ABCA4: variants seen among roughly 807,000 people sequenced by gnomAD.
The protein encoded by ABCA4 is retinal-specific phospholipid-transporting ATPase ABCA4.
In ABCA4, 196 loss-of-function variants were observed where a neutral mutation model predicts 263.7. The ratio of observed to expected loss-of-function variants is 0.74; its 90% CI spans 0.66 to 0.84. The LOEUF is 0.84. Ranked by LOEUF, ABCA4 falls within the 40% of genes least tolerant of loss-of-function variation. The probability of loss-of-function intolerance (pLI) is 0.00; values close to 1 mark genes in which losing one functional copy is unlikely to be tolerated. For synonymous variants in ABCA4, 1,133 were observed against 1,094.2 expected (o/e 1.04, Z -0.70); for missense variants, 2,792 against 2,855.1 (o/e 0.98, Z 0.50).
chr1:94,084,656 A>G (rs550142), intron 6 of ABCA4, among the ~76,000 whole-genome samples: 36,422 of 152,128 alleles, frequency 0.24, 4,971 homozygotes, highest in Non-Finnish European at 0.32. Flanking sequence ...GGGAGTTACA[A>G]AGCAGATGGG....
intron 6 of ABCA4, among the ~76,000 whole-genome samples, chr1:94,091,311 C>T (rs1050849162): frequency 2.0e-5 from 3 of 152,104 alleles, no homozygotes; most frequent in African/African-American, 7.2e-5. Context: ...GTCCGGTCCT[C>T]ACACCTTACA....
intron 11 of ABCA4, among the ~76,000 whole-genome samples, chr1:94,074,705 A>T (rs1158653774): frequency 1.3e-5 from 2 of 152,258 alleles, no homozygotes; most frequent in East Asian, 3.8e-4. Flanking sequence ...CTGTTGAGAA[A>T]TAGGAAGGCT....
chr1:94,014,386 GA>G, intron 38 of ABCA4, among the ~76,000 whole-genome samples, 156 bp downstream of exon 38: 1 of 147,362 alleles, frequency 6.8e-6, no homozygotes. Context: ...AGGAAGGAAG[GA>G]AGGAAAGGAG....
At chr1:94,051,514 C>G in intron 17 of ABCA4, 119 bp downstream of exon 17, 3 of 909,542 alleles carry the variant, frequency 3.3e-6, no homozygotes, top group Non-Finnish European at 5.4e-6. Flanking sequence ...CAGGAGGCAG[C>G]TGACTCATCA....
At chr1:94,074,896 G>T (rs1024867120) in intron 11 of ABCA4, among the ~76,000 whole-genome samples, 1 of 152,120 alleles carries the variant, frequency 6.6e-6, no homozygotes, top group Non-Finnish European at 1.5e-5. Context: ...CAATTGCAAA[G>T]ACATGGAACC....
chr1:94,010,121 A>G (rs1213108078), intron 40 of ABCA4, among the ~76,000 whole-genome samples: 1 of 152,184 alleles, frequency 6.6e-6, no homozygotes, highest in Non-Finnish European at 1.5e-5. Context: ...GAAACAAAAC[A>G]CTATTGGGGA....
intron 5 of ABCA4, among the ~76,000 whole-genome samples, chr1:94,100,326 C>A (rs550320338): frequency 6.6e-6 from 1 of 152,310 alleles, no homozygotes; most frequent in African/African-American, 2.4e-5. Flanking sequence ...GGCGCCCTTC[C>A]AAGTGTTCAC....
At chr1:94,056,843 G>T (rs373286833) in intron 14 of ABCA4, 21 bp from the exon 15 acceptor site, 3 of 1,567,722 alleles carry the variant, frequency 1.9e-6, no homozygotes, top group Admixed American at 3.7e-5. Context: ...GAGGCCATGC[G>T]TCAGTAACTC....
chr1:94,068,984 C>T (rs776102771), intron 11 of ABCA4, among the ~76,000 whole-genome samples: 1 of 152,232 alleles, frequency 6.6e-6, no homozygotes, highest in African/African-American at 2.4e-5. Flanking sequence ...ACTGCTGTGG[C>T]TGAGCCCAAG....
rs200606737 is a variant in ABCA4, at chr1:94,112,932, A to G, written c.160+41T>C. ...TTTCTAGACAAAAGGCCCAGACCAA[A>G]GTCTCTTCAGGGCTTGCCCAAGCTA... On this transcript the variant is annotated intron_variant, in intron 2 of 49. Coordinates refer to ENST00000370225, the MANE Select transcript of ABCA4 (RefSeq NM_000350.3). The G allele has an allele frequency of 2.5e-4, 376 of 1,523,838 alleles. 3 individuals carry two copies. The African/African-American group carries it at 4.6e-3, about 19-fold the overall frequency. The allele number at this position is 1,523,838 out of a possible 1,614,324, so 94.4% of individuals were successfully genotyped here.
chr1:94,007,686 G>C lies in ABCA4; in HGVS notation c.5953C>G (p.Leu1985Val). The change falls in exon 43 of 50, where the codon CTC becomes GTC. Residue 1985 changes from leucine (L) to valine (V), a missense_variant. Coordinates refer to ENST00000370225, the MANE Select transcript of ABCA4 (RefSeq NM_000350.3). ...GAGGTCACTGTGGTGTCCCCAGTGA[G>C]CATCTTGAATGTGGTTGTTTTGCCG... ...GAGKTTTFKM[L>V]TGDTTVTSGD... The C allele has an allele frequency of 6.2e-7, 1 of 1,614,114 alleles. No homozygotes were observed.
rs898716935 is a variant in ABCA4 at position 94,055,419 on chromosome 1, C to G, written c.2383-104G>C. On this transcript the variant is annotated intron_variant, in intron 15 of 49. Coordinates refer to ENST00000370225, the MANE Select transcript of ABCA4 (RefSeq NM_000350.3). ...AGAGGGGAGGGCCAAAAGAGGGTCC[C>G]CATTGTCTCTCAGTGTAAGGTCAGC... The G allele has an allele frequency of 3.5e-6, 4 of 1,138,588 alleles. No individual in the cohort carries two copies. The African/African-American group carries it at 4.6e-5, about 13-fold the overall frequency. 70.5% of individuals were successfully genotyped at this position (1,138,588 alleles called of 1,614,324 possible). A position where few individuals can be genotyped will look rare whatever the true frequency, so the allele number is the denominator to read the frequency against.
intron 38 of ABCA4, among the ~76,000 whole-genome samples, chr1:94,013,086 C>A (rs1184909716): frequency 6.6e-6 from 1 of 152,270 alleles, no homozygotes; most frequent in East Asian, 1.9e-4. Flanking sequence ...TTGCTTTAAG[C>A]TGGCTATTTA....
intron 22 of ABCA4, among the ~76,000 whole-genome samples, chr1:94,042,098 CAAAAAAAAAAAAA>C (rs11334956): frequency 2.5e-5 from 2 of 81,232 alleles, no homozygotes; most frequent in South Asian, 4.5e-4. Flanking sequence ...GATTCTGTCT[CAAAAAAAAAAAAA>C]AAAAAAAAAG....
intron 47 of ABCA4, among the ~76,000 whole-genome samples, chr1:93,999,850 T>C (rs1468126837): frequency 6.6e-6 from 1 of 152,228 alleles, no homozygotes; most frequent in Non-Finnish European, 1.5e-5. Flanking sequence ...TCTCCAGCAG[T>C]TGGACACAGG....
At chr1:94,061,057 G>A (rs998280738) in intron 13 of ABCA4, among the ~76,000 whole-genome samples, 6 of 152,150 alleles carry the variant, frequency 3.9e-5, no homozygotes, top group African/African-American at 1.4e-4. Flanking sequence ...TCCCTGTAAG[G>A]CCTTGCAAGG....
Position 94,078,595 on chromosome 1 carries a change from T to G in ABCA4, c.1351A>C (p.Ile451Leu), listed in dbSNP as rs1661600929. ...FFDNSTQMNM[I>L]RDTLGNPTVK... is the part of the protein sequence containing the mutation. ...CATCCTCCAACCCCCCTTACTCTGA[T>G]CATGTTCATCTGTGTGCTGTTGTCA... The change falls in exon 10 of 50, where the codon ATC becomes CTC. Residue 451 changes from isoleucine (I) to leucine (L), a missense_variant. Physicochemically the swap from Ile to Leu is conservative, Grantham distance 5 (BLOSUM62 2). Coordinates refer to ENST00000370225, the MANE Select transcript of ABCA4 (RefSeq NM_000350.3). The G allele has an allele frequency of 3.4e-6, 4 of 1,183,126 alleles. No individual in the cohort carries two copies. The East Asian group carries it at 1.8e-4, about 53-fold the overall frequency. 73.3% of individuals were successfully genotyped at this position (1,183,126 alleles called of 1,614,324 possible). A position where few individuals can be genotyped will look rare whatever the true frequency, so the allele number is the denominator to read the frequency against.
At chr1:94,001,337 G>A (rs2100994488) in intron 45 of ABCA4, among the ~76,000 whole-genome samples, 1 of 152,352 alleles carries the variant, frequency 6.6e-6, no homozygotes, top group South Asian at 2.1e-4. Context: ...CCCACGAGGG[G>A]ATTAAAGTGG....
Position 94,030,481 on chromosome 1 carries a change from G to T in ABCA4, c.4299C>A (p.Val1433=). The change falls in exon 29 of 50, where the codon GTC becomes GTA. Residue 1433 remains valine, a synonymous_variant. Transcript: ENST00000370225. The part of the protein sequence containing the change: ...GSEQFTVLAD[V]LLNKPGFGNR... ...TGCCAAAGCCTGGCTTATTCAGGAGGACGTCTGCAAGTACCGTGAACTGCT... is the reference window on the plus strand; with the variant it reads ...TGCCAAAGCCTGGCTTATTCAGGAGTACGTCTGCAAGTACCGTGAACTGCT... 6.2e-7 allele frequency: 1 copy of T among 1,614,242 alleles called. No individual in the cohort carries two copies. The highest frequency in any genetic ancestry group is 8.5e-7 in the Non-Finnish European group (1 of 1,180,048).
Sources: gnomAD v4.1 joint callset for allele counts (sites outside exome capture counted in the v4.1 genomes callset) on GRCh38, gnomAD v4.1.1 for gene constraint, MANE v1.5 for transcripts, NCBI Gene and HGNC (gene_info 2026-07-23, HGNC 2026-07-21) for gene names.